The following CELF4 variants were observed in gnomAD, a reference collection of about 807,000 sequenced individuals.
CELF4 encodes the protein CUGBP Elav-like family member 4, also known as CUG-BP- and ETR-3-like factor 4.
In CELF4, 18 loss-of-function variants were observed where a neutral mutation model predicts 59.9. The ratio of observed to expected loss-of-function variants is 0.30; its 90% CI spans 0.21 to 0.45. The LOEUF (loss-of-function observed/expected upper bound fraction) is 0.45. CELF4 is among the 20% of genes least tolerant of loss of function. The pLI, the probability that CELF4 is intolerant of heterozygous loss-of-function variation, is 1.00. For missense variants in CELF4, 456 were observed against 689.0 expected (o/e 0.66, Z 3.79); for synonymous variants, 261 against 267.1 (o/e 0.98, Z 0.22).
At chr18:37,466,062 C>G (rs1485029115) in intron 2 of CELF4, among the ~76,000 whole-genome samples, 1 of 152,192 alleles carries the variant, frequency 6.6e-6, no homozygotes, top group African/African-American at 2.4e-5. Flanking sequence ...TCTGCCATCC[C>G]CCTTTCTAGG....
intron 2 of CELF4, among the ~76,000 whole-genome samples, chr18:37,359,350 GTTAT>G (rs1569567628): frequency 6.6e-6 from 1 of 152,092 alleles, no homozygotes; most frequent in Non-Finnish European, 1.5e-5. Flanking sequence ...TGCCTTTTTA[GTTAT>G]TTATTTTTTA....
intron 2 of CELF4, among the ~76,000 whole-genome samples, chr18:37,413,560 C>T (rs761832645): frequency 2.6e-5 from 4 of 152,170 alleles, no homozygotes; most frequent in Admixed American, 6.5e-5. Context: ...TTGGGCATCG[C>T]CTGTTCTACA....
intron 9 of CELF4, among the ~76,000 whole-genome samples, chr18:37,266,022 C>T (rs1166979333): frequency 6.6e-6 from 1 of 152,194 alleles, no homozygotes; most frequent in Non-Finnish European, 1.5e-5. Flanking sequence ...TCCTCTGCTC[C>T]CTGTCACACC....
chr18:37,389,599 T>C (rs1193093423), intron 2 of CELF4, among the ~76,000 whole-genome samples: 4 of 152,104 alleles, frequency 2.6e-5, no homozygotes, highest in Admixed American at 6.5e-5. Context: ...CTGGGTATGC[T>C]TGGGGGAGGT....
intron 2 of CELF4, among the ~76,000 whole-genome samples, chr18:37,479,110 T>C (rs1357944810): frequency 6.6e-6 from 1 of 152,162 alleles, no homozygotes; most frequent in African/African-American, 2.4e-5. Flanking sequence ...CGTGGGTGCA[T>C]GTGAACGGCA....
chr18:37,269,891 T>A (rs1006222469), intron 8 of CELF4, among the ~76,000 whole-genome samples: 2 of 152,304 alleles, frequency 1.3e-5, no homozygotes, highest in Non-Finnish European at 2.9e-5. Context: ...CTGCTCTACT[T>A]CTTGGGCCCC....
chr18:37,415,918 T>C (rs971831915), intron 2 of CELF4, among the ~76,000 whole-genome samples: 17 of 152,236 alleles, frequency 1.1e-4, no homozygotes, highest in African/African-American at 3.9e-4. Context: ...TATTAATTCA[T>C]ACAGGAGAAC....
chr18:37,457,002 C>G (rs8092919), intron 2 of CELF4, among the ~76,000 whole-genome samples: 99,131 of 151,800 alleles, frequency 0.65, 33,367 homozygotes, highest in South Asian at 0.79. Context: ...CACTGGGCCT[C>G]CCAGAAGCTC....
At chr18:37,492,187 A>T (rs1786802) in intron 1 of CELF4, among the ~76,000 whole-genome samples, 1 of 151,988 alleles carries the variant, frequency 6.6e-6, no homozygotes, top group Non-Finnish European at 1.5e-5. Context: ...AGTGGGAGAA[A>T]GCTGGGCGGT....
At chr18:37,249,384 G>A (rs374671693) in intron 12 of CELF4, among the ~76,000 whole-genome samples, 53 of 152,222 alleles carry the variant, frequency 3.5e-4, no homozygotes, top group South Asian at 1.7e-3. Context: ...CTTCATGGGC[G>A]TTTACTCCTT....
At chr18:37,302,443 C>T (rs2154460529) in intron 3 of CELF4, among the ~76,000 whole-genome samples, 1 of 152,360 alleles carries the variant, frequency 6.6e-6, no homozygotes, top group Non-Finnish European at 1.5e-5. Flanking sequence ...CCCCCAACAT[C>T]AGCCAGCAAC....
intron 1 of CELF4, among the ~76,000 whole-genome samples, chr18:37,512,765 T>A (rs995648145): frequency 6.6e-6 from 1 of 152,028 alleles, no homozygotes; most frequent in African/African-American, 2.4e-5. Flanking sequence ...TCTCTTTTTC[T>A]TCTTCCCTTT....
In CELF4 at chr18:37,274,831, C is replaced by T. The variant is rs1227779441; in HGVS notation, c.631G>A (p.Ala211Thr). ...SHAEAQAAIN[A>T]LHGSQTMPGA... ...GGCATGGTCTGGCTGCCGTGTAGCG[C>T]GTTGATGGCGGCCTGCGCCTCGGCG... Residue 211 changes from alanine to threonine, a missense_variant, in exon 5 of 13, where the codon GCG becomes ACG. Ala to Thr is a moderately conservative substitution (Grantham distance 58). Around this residue, in one of 7 missense-constraint regions of CELF4, gnomAD observed 56 missense variants for 92.0 expected, o/e 0.61. Transcript: ENST00000420428. 3 of 1,607,238 alleles carry T rather than the reference C, an allele frequency of 1.9e-6. No individual in the cohort carries two copies. The highest frequency in any genetic ancestry group is 2.2e-5 in the South Asian group (2 of 90,110).
At chr18:37,311,660 G>A (rs113944787) in intron 3 of CELF4, among the ~76,000 whole-genome samples, 5,265 of 151,818 alleles carry the variant, frequency 0.035, 304 homozygotes, top group African/African-American at 0.12. Context: ...ATGGTGGCAC[G>A]CGCCTATAAT....
chr18:37,411,248 A>G (rs1447388783), intron 2 of CELF4, among the ~76,000 whole-genome samples: 1 of 152,140 alleles, frequency 6.6e-6, no homozygotes, highest in African/African-American at 2.4e-5. Context: ...AAGCCACTAT[A>G]CCCAGCCCAA....
In CELF4 at chr18:37,272,572, G is replaced by GACA. The variant is rs1248401139; in HGVS notation, c.949+443_949+444insTGT. Reference sequence around the variant, plus strand: ...AGTCTAGATTGGGTTAAAGGGAAATGAAAAAAAAAAAAAAAAAAAAAAGAC... The same window carrying GACA: ...AGTCTAGATTGGGTTAAAGGGAAATGACAAAAAAAAAAAAAAAAAAAAAAAGAC... On this transcript the variant is annotated intron_variant, in intron 7 of 12. Coordinates refer to ENST00000420428, the MANE Select transcript of CELF4 (RefSeq NM_020180.4). Among the ~76,000 whole-genome samples, 949 of 104,922 alleles carry GACA rather than the reference G, an allele frequency of 9.0e-3. 16 individuals carry two copies. The highest frequency in any genetic ancestry group is 0.032 in the African/African-American group (907 of 28,386). The allele number at this position is 104,922 out of a possible 152,430, so 68.8% of individuals were successfully genotyped here.
At chr18:37,485,502 G>T in intron 2 of CELF4, 23 bp downstream of exon 2, 8 of 1,314,954 alleles carry the variant, frequency 6.1e-6, no homozygotes, top group East Asian at 3.2e-5. Flanking sequence ...TCGGCCGCTT[G>T]CGCCACGGCG....
rs1239917549 is a variant in CELF4, at chr18:37,245,815, A to T, written c.*45-618T>A. ...CCTGCACATATGTGGATATACATGG[A>T]TATGTGTGTATGTATATGCATATAT... On this transcript the variant is annotated intron_variant, in intron 12 of 12. Coordinates refer to ENST00000420428, the MANE Select transcript of CELF4 (RefSeq NM_020180.4). This position sits in a 1 kb window ranked among gnomAD's most constrained non-coding sequence, Gnocchi z 4.1. Among the ~76,000 whole-genome samples, 1 of 152,204 alleles carries T rather than the reference A, an allele frequency of 6.6e-6. No homozygotes were observed. The highest frequency in any genetic ancestry group is 1.5e-5 in the Non-Finnish European group (1 of 68,026).
chr18:37,343,295 G>A (rs529474245), intron 2 of CELF4, among the ~76,000 whole-genome samples: 6 of 152,102 alleles, frequency 3.9e-5, no homozygotes, highest in African/African-American at 1.4e-4. Context: ...GTGCATTTGG[G>A]TGTGGGCCAT....
Sources: allele counts gnomAD v4.1 joint callset (sites outside exome capture counted in the v4.1 genomes callset), GRCh38; gene constraint gnomAD v4.1.1; regional missense constraint gnomAD v4.1.1; non-coding constraint Gnocchi (gnomAD v3.1); transcripts MANE v1.5; gene names NCBI Gene and HGNC (gene_info 2026-07-23, HGNC 2026-07-21).